Variants in PDHB observed in about 807,000 individuals in gnomAD.
The protein encoded by PDHB is pyruvate dehydrogenase E1 subunit beta.
Under a neutral mutation model 42.8 loss-of-function variants are expected in PDHB, and 17 were observed. The observed-to-expected ratio is 0.40, with a 90% CI of 0.27 to 0.60. The LOEUF is 0.60. Ranked by LOEUF, PDHB falls within the 20% of genes least tolerant of loss-of-function variation. The pLI is 0.46. For missense variants in PDHB, 322 were observed against 451.3 expected, an observed-to-expected ratio of 0.71 and a Z score of 2.60; for synonymous variants, 154 against 148.7, an observed-to-expected ratio of 1.04 and a Z score of -0.26.
intron 2 of PDHB, 133 bp downstream of exon 2, chr3:58,433,498 C>A: frequency 1.0e-6 from 1 of 952,778 alleles, no homozygotes; most frequent in Middle Eastern, 3.1e-4. Context: ...AGGAGCTCCA[C>A]GGAGGATGCT....
chr3:58,428,819 G>A, intron 8 of PDHB: 2 of 593,130 alleles, frequency 3.4e-6, no homozygotes, highest in Non-Finnish European at 6.0e-6. Flanking sequence ...ACCACAAGCA[G>A]CTCTGTGCAG....
intron 2 of PDHB, 21 bp from the exon 3 acceptor site, chr3:58,432,005 C>G: frequency 1.3e-6 from 2 of 1,510,088 alleles, no homozygotes; most frequent in South Asian, 2.2e-5. Context: ...TATGCAAAAA[C>G]AGTCAATACA....
intron 7 of PDHB, 151 bp downstream of exon 7, chr3:58,429,977 T>C: frequency 1.4e-6 from 1 of 733,850 alleles, no homozygotes; most frequent in Non-Finnish European, 2.5e-6. Flanking sequence ...GACTGAGATC[T>C]AGAAAAGCAC....
chr3:58,427,942 G>T lies in PDHB; in HGVS notation c.*92C>A, dbSNP rs4228. The T allele has an allele frequency of 0.33, 313,055 of 960,880 alleles. 55,912 individuals are homozygous for T. The highest frequency in any genetic ancestry group is 0.41 in the Middle Eastern group (1,612 of 3,902). 59.5% of individuals were successfully genotyped at this position (960,880 alleles called of 1,614,324 possible). A position where few individuals can be genotyped will look rare whatever the true frequency, so the allele number is the denominator to read the frequency against. ...GCTGTTGCTTTAGAAATCGTTTTCC[G>T]TTATGAATAGTCAGGTCTTGCAGTA... is the stretch of plus-strand genomic sequence containing the variant. On this transcript the variant is annotated 3_prime_UTR_variant, in exon 10 of 10. Transcript: ENST00000302746.
rs1399957876 is a variant in PDHB at position 58,428,150 on chromosome 3, C to T, written c.964G>A (p.Ala322Thr). ...GPAFNFLDAP[A>T]VRVTGADVPM... Reference sequence around the variant, plus strand: ...ACATCAGCACCAGTGACACGAACAGCAGGAGCATCCAGGAAATTGAACGCA... The same window carrying T: ...ACATCAGCACCAGTGACACGAACAGTAGGAGCATCCAGGAAATTGAACGCA... Residue 322 changes from alanine (A) to threonine (T), a missense_variant, in exon 10 of 10, where the codon GCT becomes ACT. By Grantham distance (58) the Ala-to-Thr change is moderately conservative. Around this residue, in one of 3 missense-constraint regions of PDHB, gnomAD observed 208 missense variants for 285.0 expected, o/e 0.73. Transcript: ENST00000302746. 1.2e-6 allele frequency: 2 copies of T among 1,613,870 alleles called. No homozygotes were observed. The highest frequency in any genetic ancestry group is 2.7e-5 in the African/African-American group (2 of 74,910).
rs757394994 is a variant in PDHB, at chr3:58,431,860, T to C, written c.204+17A>G. ...CAGTGACCTCAATTTTGTATAACTTTCATATATTTTAGTTACCTTGTATGC... is the reference window on the plus strand; with the variant it reads ...CAGTGACCTCAATTTTGTATAACTTCCATATATTTTAGTTACCTTGTATGC... On this transcript the variant is annotated intron_variant, in intron 3 of 9. Coordinates refer to ENST00000302746, the MANE Select transcript of PDHB (RefSeq NM_000925.4). This position sits in a 1 kb window ranked among gnomAD's most constrained non-coding sequence, Gnocchi z 4.4. The C allele has an allele frequency of 6.2e-7, 1 of 1,607,060 alleles. No homozygotes were observed. The highest frequency in any genetic ancestry group is 1.1e-5 in the South Asian group (1 of 90,934).
chr3:58,429,494 C>G (rs973988696), intron 8 of PDHB, among the ~76,000 whole-genome samples: 1 of 151,824 alleles, frequency 6.6e-6, no homozygotes, highest in Non-Finnish European at 1.5e-5. Flanking sequence ...AGAGCTCCCA[C>G]TGTCTCTCAA....
chr3:58,427,963 C>G lies in PDHB; in HGVS notation c.*71G>C, dbSNP rs758137448. ...TTCCGTTATGAATAGTCAGGTCTTG[C>G]AGTACAAATCCAGGTGCAGTGCCAG... is the stretch of plus-strand genomic sequence containing the variant. On this transcript the variant is annotated 3_prime_UTR_variant, in exon 10 of 10. Coordinates refer to ENST00000302746, the MANE Select transcript of PDHB (RefSeq NM_000925.4). 9.0e-7 allele frequency: 1 copy of G among 1,113,720 alleles called. No individual in the cohort carries two copies. The highest frequency in any genetic ancestry group is 1.4e-6 in the Non-Finnish European group (1 of 740,286). 69.0% of individuals were successfully genotyped at this position (1,113,720 alleles called of 1,614,324 possible). A position where few individuals can be genotyped will look rare whatever the true frequency, so the allele number is the denominator to read the frequency against.
Position 58,433,803 on chromosome 3 carries a change from C to T in PDHB, c.7G>A (p.Ala3Thr). Residue 3 changes from alanine to threonine, a missense_variant, in exon 1 of 10, where the codon GCG (alanine) becomes ACG (threonine). Around this residue, in one of 3 missense-constraint regions of PDHB, gnomAD observed 58 missense variants for 42.1 expected, o/e 1.38. Coordinates refer to ENST00000302746, the MANE Select transcript of PDHB (RefSeq NM_000925.4). MA[A>T]VSGLVRRPLR... is the part of the protein sequence containing the mutation. ...GGTCTCCGCACCAAGCCAGACACCGCCGCCATCTTGGTCGTGTCCTCTATC... is the reference window on the plus strand; with the variant it reads ...GGTCTCCGCACCAAGCCAGACACCGTCGCCATCTTGGTCGTGTCCTCTATC... 6.2e-7 allele frequency: 1 copy of T among 1,611,464 alleles called. No individual in the cohort carries two copies. The highest frequency in any genetic ancestry group is 8.5e-7 in the Non-Finnish European group (1 of 1,179,338).
At chr3:58,428,656 A>G (rs767789838) in intron 8 of PDHB, 42 bp from the exon 9 acceptor site, 1 of 1,535,728 alleles carries the variant, frequency 6.5e-7, no homozygotes, top group Admixed American at 1.7e-5. Flanking sequence ...CTATTGCAGC[A>G]CAAATAGAGC....
At chr3:58,429,143 ATGAGT>A (rs1179088273) in intron 8 of PDHB, among the ~76,000 whole-genome samples, 7 of 152,244 alleles carry the variant, frequency 4.6e-5, no homozygotes, top group Admixed American at 3.3e-4. Context: ...CCTCATCAAA[ATGAGT>A]TAACAGTTAA....
intron 8 of PDHB, 132 bp from the exon 9 acceptor site, chr3:58,428,746 C>T (rs2062894987): frequency 1.3e-6 from 1 of 787,392 alleles, no homozygotes; most frequent in African/African-American, 1.7e-5. Flanking sequence ...CTATGAATAC[C>T]TATTCATGAA....
chr3:58,430,933 G>A lies in PDHB; in HGVS notation c.313C>T (p.Arg105Trp), dbSNP rs768916456. ...AAGGTCATAAATTCACAAATGGGCC[G>A]CAACCCAGCCTGTAAAATCAAAAAC... Reference protein sequence around the residue: ...IAVGAAMAGLRPICEFMTFNF... With the variant: ...IAVGAAMAGLWPICEFMTFNF... The change falls in exon 6 of 10, where the codon CGG (arginine) becomes TGG (tryptophan). Residue 105 changes from arginine to tryptophan, a missense_variant. Arg to Trp is a moderately radical substitution (Grantham distance 101, BLOSUM62 -3). Around this residue, in one of 3 missense-constraint regions of PDHB, gnomAD observed 56 missense variants for 124.2 expected, o/e 0.45. Coordinates refer to ENST00000302746, the MANE Select transcript of PDHB (RefSeq NM_000925.4). 7 of 1,613,952 alleles carry A rather than the reference G, an allele frequency of 4.3e-6. No homozygotes were observed. Among genetic ancestry groups the A allele is most frequent in the Admixed American group, 3.3e-5 (2 of 60,030 alleles).
In PDHB at chr3:58,427,938, T is replaced by C. The variant is rs1264429723; in HGVS notation, c.*96A>G. On this transcript the variant is annotated 3_prime_UTR_variant, in exon 10 of 10. Transcript: ENST00000302746. ...ACCTGCTGTTGCTTTAGAAATCGTT[T>C]TCCGTTATGAATAGTCAGGTCTTGC... is the stretch of plus-strand genomic sequence containing the variant. 7 of 940,874 alleles carry C rather than the reference T, an allele frequency of 7.4e-6. No homozygotes were observed. Among genetic ancestry groups the C allele is most frequent in the Non-Finnish European group, 1.2e-5 (7 of 595,958 alleles). 58.3% of individuals were successfully genotyped at this position (940,874 alleles called of 1,614,324 possible). A position where few individuals can be genotyped will look rare whatever the true frequency, so the allele number is the denominator to read the frequency against.
At position 58,430,111 on chromosome 3, in the gene PDHB, T is replaced by A. The variant is rs754519817; in HGVS notation, c.700+17A>T. On this transcript the variant is annotated intron_variant, in intron 7 of 9. Transcript: ENST00000302746. ...GGCTGGATTAAAAATACTGTTTATATATCTTAGTTTTCTTACCTTGCCTTT... is the reference window on the plus strand; with the variant it reads ...GGCTGGATTAAAAATACTGTTTATAAATCTTAGTTTTCTTACCTTGCCTTT... The A allele has an allele frequency of 3.7e-6, 5 of 1,367,712 alleles. No homozygotes were observed. The highest frequency in any genetic ancestry group is 5.2e-6 in the Non-Finnish European group (5 of 955,478). The allele number at this position is 1,367,712 out of a possible 1,614,324, so 84.7% of individuals were successfully genotyped here. A position where few individuals can be genotyped will look rare whatever the true frequency, so the allele number is the denominator to read the frequency against.
chr3:58,428,857 T>TTCC (rs1560186863), intron 8 of PDHB: 1 of 519,668 alleles, frequency 1.9e-6, no homozygotes, highest in African/African-American at 1.9e-5. Context: ...CTTCCTTCAC[T>TTCC]TTTTTATTTC....
chr3:58,433,661 G>A lies in PDHB; in HGVS notation c.66C>T (p.Arg22=), dbSNP rs2062943950. Residue 22 remains arginine (R), a synonymous_variant, in exon 2 of 10, where the codon CGC becomes CGT. Transcript: ENST00000302746. ...GCGCAGCCGGCGCGGTCCAGTGAAA[G>A]CGCCTCTTCAGCAGCCCGGAGACCT... ...LREVSGLLKR[R]FHWTAPAALQ... The A allele has an allele frequency of 6.2e-7, 1 of 1,612,586 alleles. No homozygotes were observed. Among genetic ancestry groups the A allele is most frequent in the Non-Finnish European group, 8.5e-7 (1 of 1,179,678 alleles).
rs777698544 is a variant in PDHB, at chr3:58,433,781, C to T, written c.29G>A (p.Arg10Lys). 2.5e-6 allele frequency: 4 copies of T among 1,612,322 alleles called. No individual in the cohort carries two copies. In the South Asian group the frequency reaches 4.4e-5, roughly 18 times the overall value. Residue 10 changes from arginine to lysine, a missense_variant, in exon 1 of 10, where the codon AGA (arginine) becomes AAA (lysine). This residue lies in a region of PDHB where 58 missense variants were observed against 42.1 expected (regional missense o/e 1.38). Transcript: ENST00000302746. ...GCTGCTGCCTACCTCCCGAAGGGGT[C>T]TCCGCACCAAGCCAGACACCGCCGC... is the stretch of plus-strand genomic sequence containing the variant. MAAVSGLVR[R>K]PLREVSGLLK... is the part of the protein sequence containing the mutation.
Position 58,430,237 on chromosome 3 carries a change from C to T in PDHB, c.591G>A (p.Val197=), listed in dbSNP as rs1177073737. The change falls in exon 7 of 10, where the codon GTG becomes GTA. Residue 197 remains valine, a splice_region_variant and synonymous_variant. Coordinates refer to ENST00000302746, the MANE Select transcript of PDHB (RefSeq NM_000925.4). The part of the protein sequence containing the change: ...IKSAIRDNNP[V]VVLENELMYG... ...ACATCAATTCATTCTCTAGCACCAC[C>T]ACTGAAAAACATAAATATTTAAACA... The T allele has an allele frequency of 6.4e-7, 1 of 1,566,936 alleles. No homozygotes were observed. Among genetic ancestry groups the T allele is most frequent in the Non-Finnish European group, 8.8e-7 (1 of 1,139,000 alleles).
Sources: allele counts gnomAD v4.1 joint callset (sites outside exome capture counted in the v4.1 genomes callset), GRCh38; gene constraint gnomAD v4.1.1; regional missense constraint gnomAD v4.1.1; non-coding constraint Gnocchi (gnomAD v3.1); transcripts MANE v1.5; gene names NCBI Gene and HGNC (gene_info 2026-07-23, HGNC 2026-07-21).